Variants in SERPINB10 observed in about 807,000 individuals in gnomAD.
SERPINB10 encodes serpin B10.
In SERPINB10, 35 loss-of-function variants were observed where a neutral mutation model predicts 39.1. The observed-to-expected ratio is 0.90, with a 90% confidence interval of 0.68 to 1.19. The LOEUF is 1.19. Among genes scored for constraint, SERPINB10 ranks in the 50% most tolerant of loss-of-function variants. SERPINB10 has a pLI of 0.00. For synonymous variants in SERPINB10, 190 were observed against 158.1 expected, an observed-to-expected ratio of 1.20 and a Z score of -1.52; for missense variants, 546 against 460.5, an observed-to-expected ratio of 1.19 and a Z score of -1.70.
intron 5 of SERPINB10, among the ~76,000 whole-genome samples, chr18:63,925,133 G>A: frequency 6.6e-6 from 1 of 151,872 alleles, no homozygotes; most frequent in East Asian, 1.9e-4. Flanking sequence ...TTACAAATAA[G>A]GCAAAGACAA....
intron 1 of SERPINB10, among the ~76,000 whole-genome samples, chr18:63,912,271 T>A (rs1471750486): frequency 6.6e-6 from 1 of 152,020 alleles, no homozygotes; most frequent in African/African-American, 2.4e-5. Flanking sequence ...GGGTGCCTTT[T>A]ATGTCTTTCT....
At position 63,932,942 on chromosome 18, in the gene SERPINB10, G is replaced by A. The variant is rs1376854324; in HGVS notation, c.634-106G>A. 14 of 996,002 alleles carry A rather than the reference G, an allele frequency of 1.4e-5. No individual in the cohort carries two copies. The East Asian group carries it at 1.9e-4, about 14-fold the overall frequency. The allele number at this position is 996,002 out of a possible 1,614,324, so 61.7% of individuals were successfully genotyped here. ...TTATTCAGCATTTAGCAGAGAATCA[G>A]CAGTTTCACCAACTGAGAGCCAATG... On this transcript the variant is annotated intron_variant, in intron 6 of 7. Coordinates refer to ENST00000238508, the MANE Select transcript of SERPINB10 (RefSeq NM_005024.3).
intron 4 of SERPINB10, among the ~76,000 whole-genome samples, chr18:63,919,216 C>A (rs1423986919): frequency 1.4e-5 from 2 of 147,766 alleles, no homozygotes; most frequent in Non-Finnish European, 3.0e-5. Context: ...ATCAGAGGAC[C>A]AGGAGGAGGT....
At chr18:63,917,669 A>G (rs2050114004) in intron 3 of SERPINB10, 148 bp downstream of exon 3, 1 of 553,774 alleles carries the variant, frequency 1.8e-6, no homozygotes. Flanking sequence ...TGGAATACAA[A>G]ATATCTACAC....
Position 63,935,319 on chromosome 18 carries a change from C to A in SERPINB10, c.*77C>A. 6.9e-7 allele frequency: 1 copy of A among 1,440,416 alleles called. No homozygotes were observed. Among genetic ancestry groups the A allele is most frequent in the Non-Finnish European group, 9.2e-7 (1 of 1,082,538 alleles). The allele number at this position is 1,440,416 out of a possible 1,614,324, so 89.2% of individuals were successfully genotyped here. A position where few individuals can be genotyped will look rare whatever the true frequency, so the allele number is the denominator to read the frequency against. On this transcript the variant is annotated 3_prime_UTR_variant, in exon 8 of 8. Transcript: ENST00000238508. ...CCATGAGATGGAAAAGCACAATTTTCACAAAAATGAGTTTGTAGTCTAAAC... is the reference window on the plus strand; with the variant it reads ...CCATGAGATGGAAAAGCACAATTTTAACAAAAATGAGTTTGTAGTCTAAAC...
chr18:63,915,545 C>T lies in SERPINB10; in HGVS notation c.35C>T (p.Ala12Val), dbSNP rs377040803. Residue 12 changes from alanine to valine, a missense_variant, in exon 2 of 8, where the codon GCC becomes GTC. By Grantham distance (64) the Ala-to-Val change is moderately conservative (BLOSUM62 0). Transcript: ENST00000238508. Reference protein sequence around the residue: ...DSLATSINQFALELSKKLAES... With the variant: ...DSLATSINQFVLELSKKLAES... ...CTAGCAACATCAATCAACCAGTTTG[C>T]CCTGGAGTTGAGCAAAAAGCTAGCT... is the stretch of plus-strand genomic sequence containing the variant. The T allele has an allele frequency of 2.0e-5, 32 of 1,612,416 alleles. No homozygotes were observed. In the African/African-American group the frequency reaches 2.3e-4, roughly 11 times the overall value.
chr18:63,917,931 A>G, intron 3 of SERPINB10, 34 bp from the exon 4 acceptor site: 4 of 1,598,974 alleles, frequency 2.5e-6, no homozygotes, highest in Non-Finnish European at 3.4e-6. Flanking sequence ...CTCTTGTTCA[A>G]CATTTTATTT....
chr18:63,934,390 C>T (rs565612649), intron 7 of SERPINB10, among the ~76,000 whole-genome samples: 21 of 152,150 alleles, frequency 1.4e-4, no homozygotes, highest in Admixed American at 1.3e-3. Flanking sequence ...ATTAATCTCA[C>T]GTTGTTTTGA....
In SERPINB10 at chr18:63,917,991, A is replaced by C. The variant is rs1442736782; in HGVS notation, c.261A>C (p.Glu87Asp). ...AATTCAACTTGAGCAACTCGGAAGAAATACACTCTGATTTCCAAACACTTA... is the reference window on the plus strand; with the variant it reads ...AATTCAACTTGAGCAACTCGGAAGACATACACTCTGATTTCCAAACACTTA... ...KMEFNLSNSEEIHSDFQTLIS... is the reference protein window; with the variant it reads ...KMEFNLSNSEDIHSDFQTLIS... Residue 87 changes from glutamate (E) to aspartate (D), a missense_variant, in exon 4 of 8, where the codon GAA becomes GAC. By Grantham distance (45) the Glu-to-Asp change is conservative. Transcript: ENST00000238508. The C allele has an allele frequency of 6.2e-7, 1 of 1,612,106 alleles. No individual in the cohort carries two copies. Among genetic ancestry groups the C allele is most frequent in the Non-Finnish European group, 8.5e-7 (1 of 1,178,892 alleles).
At chr18:63,909,374 C>T (rs8093048) in intron 1 of SERPINB10, among the ~76,000 whole-genome samples, 7,474 of 151,894 alleles carry the variant, frequency 0.049, 376 homozygotes, top group East Asian at 0.22. Context: ...AATTCTACAC[C>T]CTTCAGAAAG....
At chr18:63,919,985 T>TA (rs2050135445) in intron 5 of SERPINB10, 80 bp downstream of exon 5, 1 of 767,244 alleles carries the variant, frequency 1.3e-6, no homozygotes, top group African/African-American at 1.8e-5. Context: ...CATATGTAAG[T>TA]ATGTATACTC....
At position 63,933,574 on chromosome 18, in the gene SERPINB10, G is replaced by T. The variant is rs924619455; in HGVS notation, c.789+371G>T. Among the ~76,000 whole-genome samples the T allele has an allele frequency of 3.3e-5, 5 of 152,210 alleles. 1 individual carries two copies. In the South Asian group the frequency reaches 1.0e-3, roughly 32 times the overall value. ...TTCAATCAGTCTAGGTTTCCCTCTG[G>T]TAGGACCTATGTAATTTGAAATTAA... On this transcript the variant is annotated intron_variant, in intron 7 of 7. Coordinates refer to ENST00000238508, the MANE Select transcript of SERPINB10 (RefSeq NM_005024.3).
At chr18:63,917,157 G>A (rs920529053) in intron 2 of SERPINB10, among the ~76,000 whole-genome samples, 1 of 151,920 alleles carries the variant, frequency 6.6e-6, no homozygotes, top group Non-Finnish European at 1.5e-5. Context: ...ACAACCATGA[G>A]TAAAAAGGAA....
intron 5 of SERPINB10, among the ~76,000 whole-genome samples, chr18:63,929,712 C>CAAAAAAAAAAAAAAAAAAA (rs74169990): frequency 4.1e-3 from 395 of 97,008 alleles, no homozygotes; most frequent in Middle Eastern, 0.016. Flanking sequence ...AGCTAAAGTG[C>CAAAAAAAAAAAAAAAAAAA]AAAAAAAAAA....
chr18:63,927,569 C>A (rs1333644257), intron 5 of SERPINB10, among the ~76,000 whole-genome samples: 2 of 152,004 alleles, frequency 1.3e-5, no homozygotes, highest in African/African-American at 4.8e-5. Context: ...TCCCTCAATC[C>A]CTTTATAAGG....
intron 7 of SERPINB10, among the ~76,000 whole-genome samples, chr18:63,933,844 G>A (rs916018273): frequency 2.0e-5 from 3 of 152,158 alleles, no homozygotes; most frequent in Non-Finnish European, 4.4e-5. Context: ...CTCATGCAAC[G>A]GATGGCCTGT....
chr18:63,934,951 T>C lies in SERPINB10; in HGVS notation c.903T>C (p.Asp301=). 1.2e-6 allele frequency: 2 copies of C among 1,614,224 alleles called. No individual in the cohort carries two copies. The highest frequency in any genetic ancestry group is 1.7e-6 in the Non-Finnish European group (2 of 1,180,040). Residue 301 remains aspartate (D), a synonymous_variant, in exon 8 of 8, where the codon GAT becomes GAC. Transcript: ENST00000238508. ...LPKFKLEDSY[D]LKSTLSSMGM... ...AGTTCAAGCTGGAAGACAGTTATGA[T>C]CTCAAGTCAACCCTGAGCAGTATGG...
intron 1 of SERPINB10, among the ~76,000 whole-genome samples, chr18:63,910,852 T>C (rs973426720): frequency 1.3e-4 from 20 of 151,972 alleles, no homozygotes; most frequent in African/African-American, 4.6e-4. Flanking sequence ...TGAAGGGTAG[T>C]TCTAACTTCC....
At position 63,933,175 on chromosome 18, in the gene SERPINB10, T is replaced by G; in HGVS notation, c.761T>G (p.Leu254Arg). 6.2e-7 allele frequency: 1 copy of G among 1,614,062 alleles called. No individual in the cohort carries two copies. The highest frequency in any genetic ancestry group is 1.3e-5 in the African/African-American group (1 of 75,046). ...KSRDLSLLIL[L>R]PEDINGLEQL... The stretch of plus-strand genomic sequence containing the variant: ...CGTGACCTCAGCCTGCTTATACTAC[T>G]GCCAGAAGACATTAATGGGCTGGAA... The change falls in exon 7 of 8, where the codon CTG becomes CGG. Residue 254 changes from leucine (L) to arginine (R), a missense_variant. Coordinates refer to ENST00000238508, the MANE Select transcript of SERPINB10 (RefSeq NM_005024.3).
Sources: allele counts gnomAD v4.1 joint callset (sites outside exome capture counted in the v4.1 genomes callset), GRCh38; gene constraint gnomAD v4.1.1; transcripts MANE v1.5; gene names NCBI Gene and HGNC (gene_info 2026-07-23, HGNC 2026-07-21).